The following LRRC8D variants were observed in gnomAD, a reference collection of about 807,000 sequenced individuals.
LRRC8D encodes leucine rich repeat containing 8 VRAC subunit D.
In LRRC8D, 20 loss-of-function variants were observed where a neutral mutation model predicts 55.8. That is an observed-to-expected ratio of 0.36 (90% CI 0.25 to 0.52). The LOEUF is 0.52. Ranked by LOEUF, LRRC8D falls within the 20% of genes least tolerant of loss-of-function variation. The probability of loss-of-function intolerance (pLI) is 0.93; values close to 1 mark genes in which losing one functional copy is unlikely to be tolerated. For synonymous variants in LRRC8D, 352 were observed against 377.0 expected (o/e 0.93, Z 0.77); for missense variants, 651 against 1,030.8 (o/e 0.63, Z 5.05).
chr1:89,837,794 G>T (rs1490227516), intron 1 of LRRC8D, among the ~76,000 whole-genome samples: 1 of 152,100 alleles, frequency 6.6e-6, no homozygotes, highest in Non-Finnish European at 1.5e-5. Context: ...ATTTGCCTTG[G>T]CTATTCCACT....
intron 2 of LRRC8D, among the ~76,000 whole-genome samples, chr1:89,845,514 G>A (rs747241153): frequency 2.6e-5 from 4 of 152,102 alleles, no homozygotes; most frequent in Non-Finnish European, 5.9e-5. Context: ...TCAGCTCACT[G>A]CAATCTCTGC....
chr1:89,839,077 C>T (rs181777614), intron 1 of LRRC8D, among the ~76,000 whole-genome samples: 1 of 152,166 alleles, frequency 6.6e-6, no homozygotes, highest in African/African-American at 2.4e-5. Context: ...TGCACCCACT[C>T]ATTTCTATTC....
chr1:89,932,969 A>G (rs2101000771), intron 2 of LRRC8D, 98 bp from the exon 3 acceptor site: 2 of 1,003,336 alleles, frequency 2.0e-6, no homozygotes, highest in Non-Finnish European at 2.9e-6. Context: ...TAGGACCTGA[A>G]TGAGAAAACT....
At chr1:89,873,105 T>C (rs1388766894) in intron 2 of LRRC8D, among the ~76,000 whole-genome samples, 2 of 152,144 alleles carry the variant, frequency 1.3e-5, no homozygotes, top group African/African-American at 4.8e-5. Flanking sequence ...TTAGAAACAG[T>C]GTGTACAGGC....
In LRRC8D at chr1:89,933,357, G is replaced by C; in HGVS notation, c.289G>C (p.Asp97His). 6.2e-7 allele frequency: 1 copy of C among 1,614,088 alleles called. No homozygotes were observed. Residue 97 changes from aspartate (D) to histidine (H), a missense_variant, in exon 3 of 3, where the codon GAC (aspartate) becomes CAC (histidine). By Grantham distance (81) the Asp-to-His change is moderately conservative. Coordinates refer to ENST00000337338, the MANE Select transcript of LRRC8D (RefSeq NM_001134479.2). The surrounding 1 kb of genome is among the most constrained non-coding windows in gnomAD (Gnocchi z 7.0). ...NQDQDGRTTN[D>H]ISFGTSAVTP... ...AGACCAAGATGGGCGGACAACAAAC[G>C]ACATTTCCTTTGGGACATCTGCTGT...
chr1:89,898,725 C>G (rs1382362876), intron 2 of LRRC8D, among the ~76,000 whole-genome samples: 3 of 152,230 alleles, frequency 2.0e-5, no homozygotes, highest in Admixed American at 1.3e-4. Context: ...AACAGCTTTA[C>G]TAAGATTTAA....
chr1:89,883,881 A>G (rs1662342773), intron 2 of LRRC8D, among the ~76,000 whole-genome samples: 1 of 152,176 alleles, frequency 6.6e-6, no homozygotes, highest in African/African-American at 2.4e-5. Context: ...GGAGAAACAT[A>G]GGGACTTTAG....
intron 2 of LRRC8D, among the ~76,000 whole-genome samples, chr1:89,848,694 T>C (rs578064388): frequency 6.6e-6 from 1 of 152,018 alleles, no homozygotes; most frequent in Admixed American, 6.5e-5. Context: ...TGTTTGTTTT[T>C]TTGGTTTTTT....
intron 1 of LRRC8D, among the ~76,000 whole-genome samples, chr1:89,825,455 T>C (rs567781960): frequency 6.6e-6 from 1 of 152,316 alleles, no homozygotes; most frequent in East Asian, 1.9e-4. Context: ...TTTCTAATGT[T>C]TTGTGCAAAT....
chr1:89,842,106 G>T (rs533566314), intron 1 of LRRC8D, among the ~76,000 whole-genome samples: 1 of 151,844 alleles, frequency 6.6e-6, no homozygotes, highest in Non-Finnish European at 1.5e-5. Context: ...TAAGCTTCTC[G>T]GGAGGCTGAG....
intron 2 of LRRC8D, among the ~76,000 whole-genome samples, chr1:89,906,507 T>C (rs1427115199): frequency 6.6e-6 from 1 of 152,238 alleles, no homozygotes; most frequent in African/African-American, 2.4e-5. Context: ...TTCTGTTCCC[T>C]TTCTAAAGAA....
In LRRC8D at chr1:89,881,047, C is replaced by T. The variant is rs564792592; in HGVS notation, c.-3+37265C>T. Among the ~76,000 whole-genome samples the T allele has an allele frequency of 2.4e-4, 37 of 152,278 alleles. No individual in the cohort carries two copies. In the South Asian group the frequency reaches 3.3e-3, roughly 14 times the overall value. On this transcript the variant is annotated intron_variant, in intron 2 of 2. Transcript: ENST00000337338. The stretch of plus-strand genomic sequence containing the variant: ...TGAAATTTTTGATGGCACTCCATTT[C>T]CTACAGAATGAAAAGCAAGTTCTTA...
intron 2 of LRRC8D, among the ~76,000 whole-genome samples, chr1:89,860,562 A>G (rs568356508): frequency 5.3e-5 from 8 of 151,364 alleles, no homozygotes; most frequent in Middle Eastern, 3.4e-3. Context: ...GATCGAGACC[A>G]TCCTGGCCAA....
intron 1 of LRRC8D, chr1:89,821,915 A>T (rs1241358562): frequency 6.6e-6 from 1 of 151,864 alleles, no homozygotes; most frequent in Non-Finnish European, 1.5e-5. Flanking sequence ...CGGGTTGGGT[A>T]CCGGTATAAT....
chr1:89,931,341 A>T (rs1175218632), intron 2 of LRRC8D, among the ~76,000 whole-genome samples: 1 of 151,344 alleles, frequency 6.6e-6, no homozygotes, highest in Non-Finnish European at 1.5e-5. Context: ...TACTAATGCC[A>T]CCTTTCTTCA....
chr1:89,842,082 G>T (rs1040411762), intron 1 of LRRC8D, among the ~76,000 whole-genome samples: 4 of 151,920 alleles, frequency 2.6e-5, no homozygotes, highest in Non-Finnish European at 5.9e-5. Context: ...GCATGGTGGC[G>T]TGTGCCTGTA....
At chr1:89,830,685 G>C (rs768907562) in intron 1 of LRRC8D, among the ~76,000 whole-genome samples, 1 of 152,102 alleles carries the variant, frequency 6.6e-6, no homozygotes, top group Non-Finnish European at 1.5e-5. Context: ...AATGTGGGCC[G>C]GTGTTGCCAG....
In LRRC8D at chr1:89,829,136, C is replaced by T. The variant is rs116804252; in HGVS notation, c.-148+7845C>T. Among the ~76,000 whole-genome samples, 913 of 152,318 alleles carry T rather than the reference C, an allele frequency of 6.0e-3. 7 individuals are homozygous for T. Among genetic ancestry groups the T allele is most frequent in the African/African-American group, 0.021 (887 of 41,558 alleles). ...GGTCCCCATGGTGCTTGCAATGGCA[C>T]TCTACTGAGTAGGCTTTTAAAATCA... On this transcript the variant is annotated intron_variant, in intron 1 of 2. Transcript: ENST00000337338.
rs71666234 is a variant in LRRC8D at position 89,929,247 on chromosome 1, G to C, written c.-2-3820G>C. Among the ~76,000 whole-genome samples the C allele has an allele frequency of 6.2e-3, 942 of 152,304 alleles. 19 individuals carry two copies. The highest frequency in any genetic ancestry group is 5.9e-3 in the Non-Finnish European group (398 of 68,030). ...ACCTCACCCATACTAGGAGATCAGGGAAGGCTTTCTGGAAAAGGCTGCAGA... is the reference window on the plus strand; with the variant it reads ...ACCTCACCCATACTAGGAGATCAGGCAAGGCTTTCTGGAAAAGGCTGCAGA... On this transcript the variant is annotated intron_variant, in intron 2 of 2. Coordinates refer to ENST00000337338, the MANE Select transcript of LRRC8D (RefSeq NM_001134479.2).
Sources: allele counts gnomAD v4.1 joint callset (sites outside exome capture counted in the v4.1 genomes callset), GRCh38; gene constraint gnomAD v4.1.1; non-coding constraint Gnocchi (gnomAD v3.1); transcripts MANE v1.5; gene names NCBI Gene and HGNC (gene_info 2026-07-23, HGNC 2026-07-21).